Variants in DPP6 observed in about 807,000 individuals in gnomAD.
DPP6 encodes the protein dipeptidyl peptidase like 6.
A neutral mutation model predicts 122.6 loss-of-function variants in DPP6; 69 were observed. The ratio of observed to expected loss-of-function variants is 0.56; its 90% CI spans 0.46 to 0.69. The LOEUF is 0.69. DPP6 is among the 30% of genes least tolerant of loss of function. The pLI is 0.00. For missense variants in DPP6, 928 were observed against 1,116.9 expected, an observed-to-expected ratio of 0.83 and a Z score of 2.41; for synonymous variants, 418 against 433.1, an observed-to-expected ratio of 0.97 and a Z score of 0.43.
At chr7:153,938,101 A>G (rs1166588925) in intron 1 of DPP6, among the ~76,000 whole-genome samples, 1 of 152,212 alleles carries the variant, frequency 6.6e-6, no homozygotes, top group Non-Finnish European at 1.5e-5. Context: ...TCTGAAGAAT[A>G]TGATGAGCTC....
chr7:154,857,377 G>A (rs886878079), intron 17 of DPP6, among the ~76,000 whole-genome samples: 1 of 152,160 alleles, frequency 6.6e-6, no homozygotes, highest in African/African-American at 2.4e-5. Flanking sequence ...CCTGAGGGTT[G>A]GCACATCATA....
intron 1 of DPP6, among the ~76,000 whole-genome samples, chr7:154,351,035 T>A (rs1031540388): frequency 6.6e-6 from 1 of 152,150 alleles, no homozygotes; most frequent in African/African-American, 2.4e-5. Context: ...ATGGAAAATT[T>A]GAGGTTTCTT....
intron 1 of DPP6, among the ~76,000 whole-genome samples, chr7:154,385,853 G>A (rs1185486597): frequency 6.6e-6 from 1 of 152,114 alleles, no homozygotes; most frequent in Non-Finnish European, 1.5e-5. Context: ...GCAGGCTGAG[G>A]GGTGGTCTCT....
At chr7:154,210,530 T>C (rs910711774) in intron 1 of DPP6, among the ~76,000 whole-genome samples, 2 of 152,230 alleles carry the variant, frequency 1.3e-5, no homozygotes, top group Non-Finnish European at 2.9e-5. Flanking sequence ...GAAAAACTTG[T>C]GAGTGTCTGG....
intron 17 of DPP6, among the ~76,000 whole-genome samples, chr7:154,859,763 A>C (rs1249656144): frequency 2.6e-5 from 4 of 152,206 alleles, no homozygotes; most frequent in Admixed American, 6.5e-5. Flanking sequence ...GGATAAAAAA[A>C]CCAACAAAAT....
At chr7:154,243,565 G>T (rs766860236) in intron 1 of DPP6, among the ~76,000 whole-genome samples, 2 of 152,152 alleles carry the variant, frequency 1.3e-5, no homozygotes. Context: ...GGAGGCCAAG[G>T]TGGGCAGATC....
At chr7:154,125,964 C>T (rs976850047) in intron 1 of DPP6, among the ~76,000 whole-genome samples, 2 of 152,142 alleles carry the variant, frequency 1.3e-5, no homozygotes, top group African/African-American at 4.8e-5. Flanking sequence ...AAATTGTCAT[C>T]TGGAAGAACC....
chr7:154,564,622 A>G (rs188236571), intron 4 of DPP6, among the ~76,000 whole-genome samples: 49 of 152,356 alleles, frequency 3.2e-4, no homozygotes, highest in African/African-American at 1.1e-3. Flanking sequence ...ACATATATCA[A>G]CAAAGACATA....
In DPP6 at chr7:154,804,950, A is replaced by C. The variant is rs1798602351; in HGVS notation, c.1533A>C (p.Arg511Ser). The C allele has an allele frequency of 6.2e-7, 1 of 1,600,986 alleles. No homozygotes were observed. Among genetic ancestry groups the C allele is most frequent in the East Asian group, 2.3e-5 (1 of 44,430 alleles). Reference sequence around the variant, plus strand: ...TGAGCACGGAGGACCTGCCTCGGAGACGACAACTCTACAGGTAACTCCTGC... The same window carrying C: ...TGAGCACGGAGGACCTGCCTCGGAGCCGACAACTCTACAGGTAACTCCTGC... ...YFLSTEDLPR[R>S]RQLYSANTVG... The change falls in exon 15 of 26, where the codon AGA becomes AGC. Residue 511 changes from arginine to serine, a missense_variant. Transcript: ENST00000377770.
At chr7:154,256,065 CTG>C (rs778400780) in intron 1 of DPP6, among the ~76,000 whole-genome samples, 1 of 152,146 alleles carries the variant, frequency 6.6e-6, no homozygotes, top group Non-Finnish European at 1.5e-5. Context: ...TGAAGCAAAA[CTG>C]TAATTGTGTC....
intron 5 of DPP6, among the ~76,000 whole-genome samples, chr7:154,619,404 A>G (rs568020416): frequency 2.0e-5 from 3 of 152,328 alleles, no homozygotes; most frequent in East Asian, 1.9e-4. Context: ...TATCTTTTCA[A>G]TTATACAGGA....
chr7:153,838,800 G>A, the DPP6 span, among the ~76,000 whole-genome samples: 1 of 152,324 alleles, frequency 6.6e-6, no homozygotes, highest in African/African-American at 2.4e-5. Context: ...TCCAGCAGAT[G>A]ACATTTGCTT....
rs192561047 is a variant in DPP6, at chr7:154,816,144, T to G, written c.1666+9032T>G. Among the ~76,000 whole-genome samples the G allele has an allele frequency of 3.9e-3, 591 of 152,272 alleles. 3 individuals carry two copies. Among genetic ancestry groups the G allele is most frequent in the South Asian group, 8.3e-3 (40 of 4,824 alleles). On this transcript the variant is annotated intron_variant, in intron 16 of 25. Coordinates refer to ENST00000377770, the MANE Select transcript of DPP6 (RefSeq NM_130797.4). ...CATCTTGGTTAACCTTGCTTAATCC[T>G]CCACACCCTCATCCTGAAAATCGGA... is the stretch of plus-strand genomic sequence containing the variant.
At chr7:153,753,843 G>T in the DPP6 span, among the ~76,000 whole-genome samples, 1,033 of 152,184 alleles carry the variant, frequency 6.8e-3, 39 homozygotes, top group Admixed American at 0.065. Context: ...ACCCATTTGC[G>T]CTCCTAGAAT....
the DPP6 span, among the ~76,000 whole-genome samples, chr7:153,777,531 C>T: frequency 7.0e-5 from 8 of 114,536 alleles, no homozygotes; most frequent in South Asian, 3.4e-4. Context: ...GTGGTATATC[C>T]GTACAATTGA....
chr7:154,834,314 A>AAAAAG (rs1462577408), intron 16 of DPP6, among the ~76,000 whole-genome samples: 1 of 151,072 alleles, frequency 6.6e-6, no homozygotes, highest in Non-Finnish European at 1.5e-5. Flanking sequence ...CTAAATACAA[A>AAAAAG]AAAAAAAAAA....
At position 154,215,444 on chromosome 7, in the gene DPP6, A is replaced by G. The variant is rs145208319; in HGVS notation, c.243+162381A>G. ...AAGTGGATTTATAGAACTGAGAAAC[A>G]GTTGAGAGGCTCTGTGGTGTGCGGA... On this transcript the variant is annotated intron_variant, in intron 1 of 25. Transcript: ENST00000377770. 8.0e-3 allele frequency among the ~76,000 whole-genome samples: 1,216 copies of G among 152,318 alleles called. 7 individuals are homozygous for G. Among genetic ancestry groups the G allele is most frequent in the Non-Finnish European group, 0.011 (736 of 68,020 alleles).
chr7:154,507,886 G>T (rs1825780203), intron 3 of DPP6, among the ~76,000 whole-genome samples: 1 of 152,156 alleles, frequency 6.6e-6, no homozygotes, highest in South Asian at 2.1e-4. Context: ...TCCTTTTGGA[G>T]CAACTCAGAA....
intron 5 of DPP6, among the ~76,000 whole-genome samples, chr7:154,594,631 T>C (rs896721767): frequency 3.3e-5 from 5 of 152,202 alleles, no homozygotes; most frequent in African/African-American, 1.2e-4. Flanking sequence ...CTTCTTAGTA[T>C]ACATACCTGA....
Sources: allele counts gnomAD v4.1 joint callset (sites outside exome capture counted in the v4.1 genomes callset), GRCh38; gene constraint gnomAD v4.1.1; transcripts MANE v1.5; gene names NCBI Gene and HGNC (gene_info 2026-07-23, HGNC 2026-07-21).